Variants in PIGN observed in about 807,000 individuals in gnomAD.
PIGN encodes GPI ethanolamine phosphate transferase 1.
Under a neutral mutation model 125.4 loss-of-function variants are expected in PIGN, and 117 were observed. The observed-to-expected ratio is 0.93, with a 90% CI of 0.80 to 1.09. The LOEUF is 1.09. Ranked by LOEUF, PIGN falls within the 50% of genes least tolerant of loss-of-function variation. The probability of loss-of-function intolerance (pLI) is 0.00; values close to 1 mark genes in which losing one functional copy is unlikely to be tolerated. For missense variants in PIGN, 1,075 were observed against 1,094.9 expected, an observed-to-expected ratio of 0.98 and a Z score of 0.26; for synonymous variants, 392 against 377.8, an observed-to-expected ratio of 1.04 and a Z score of -0.44.
chr18:62,147,202 C>T, intron 8 of PIGN, 101 bp from the exon 9 acceptor site: 1 of 1,331,186 alleles, frequency 7.5e-7, no homozygotes, highest in Non-Finnish European at 1.0e-6. Flanking sequence ...TTCTGAAATG[C>T]TTTTAGATTT....
chr18:62,123,870 A>T (rs2035402342), intron 14 of PIGN, among the ~76,000 whole-genome samples: 1 of 152,060 alleles, frequency 6.6e-6, no homozygotes, highest in African/African-American at 2.4e-5. Flanking sequence ...GAAGAAGAAG[A>T]TCCACTAATT....
chr18:62,148,154 A>C (rs1396367631), intron 8 of PIGN, 60 bp downstream of exon 8: 1 of 1,330,404 alleles, frequency 7.5e-7, no homozygotes, highest in Non-Finnish European at 1.0e-6. Context: ...CTTTATAATA[A>C]AAAGTTCAAT....
chr18:62,107,481 T>C (rs1255979557), intron 17 of PIGN: 2 of 180,014 alleles, frequency 1.1e-5, no homozygotes, highest in Admixed American at 1.1e-4. Flanking sequence ...TAATCCCAGC[T>C]ACTCAGGAGG....
intron 6 of PIGN, among the ~76,000 whole-genome samples, chr18:62,156,383 C>A (rs1454084820): frequency 6.6e-6 from 1 of 152,086 alleles, no homozygotes; most frequent in Non-Finnish European, 1.5e-5. Flanking sequence ...GGCTGGAGTG[C>A]AGTGGCATAA....
At chr18:62,018,536 A>G (rs913041127) in intron 23 of PIGN, among the ~76,000 whole-genome samples, 2 of 152,116 alleles carry the variant, frequency 1.3e-5, no homozygotes, top group Non-Finnish European at 2.9e-5. Context: ...CTTACCACCC[A>G]TTACTTTAGG....
chr18:62,080,229 C>G (rs1465534526), intron 28 of PIGN, among the ~76,000 whole-genome samples: 1 of 152,060 alleles, frequency 6.6e-6, no homozygotes, highest in Non-Finnish European at 1.5e-5. Flanking sequence ...AAAAATCATC[C>G]CTTTCAGATC....
At chr18:62,092,511 T>G (rs1309559638) in intron 23 of PIGN, among the ~76,000 whole-genome samples, 1 of 151,998 alleles carries the variant, frequency 6.6e-6, no homozygotes, top group Non-Finnish European at 1.5e-5. Flanking sequence ...TAATAAAAAG[T>G]TGAAACAAAA....
chr18:62,181,480 A>G (rs1210802757), intron 1 of PIGN, among the ~76,000 whole-genome samples: 1 of 152,108 alleles, frequency 6.6e-6, no homozygotes, highest in Non-Finnish European at 1.5e-5. Flanking sequence ...TTTAGTCTTC[A>G]TTTTCTAAGC....
intron 17 of PIGN, among the ~76,000 whole-genome samples, chr18:62,109,010 G>A (rs921437802): frequency 6.6e-6 from 1 of 152,150 alleles, no homozygotes; most frequent in African/African-American, 2.4e-5. Flanking sequence ...AGCCAACCTT[G>A]GGGATACCCT....
intron 10 of PIGN, among the ~76,000 whole-genome samples, chr18:62,144,792 C>T (rs2036259435): frequency 6.6e-6 from 1 of 152,070 alleles, no homozygotes; most frequent in African/African-American, 2.4e-5. Context: ...CCTCCTTTGC[C>T]AAATATCTTA....
intron 28 of PIGN, 99 bp from the exon 29 acceptor site, chr18:62,074,920 T>C: frequency 8.0e-6 from 6 of 750,226 alleles, no homozygotes; most frequent in Middle Eastern, 2.4e-4. Context: ...CCTAGTATTG[T>C]TGGTATTTTT....
At chr18:62,091,468 T>C (rs2033955670) in intron 23 of PIGN, among the ~76,000 whole-genome samples, 1 of 152,224 alleles carries the variant, frequency 6.6e-6, no homozygotes. Context: ...AATATTCATA[T>C]ACTATAATGC....
At chr18:62,140,032 C>T (rs1654343768) in intron 12 of PIGN, among the ~76,000 whole-genome samples, 1 of 151,860 alleles carries the variant, frequency 6.6e-6, no homozygotes, top group Admixed American at 6.6e-5. Context: ...AACCAGAATA[C>T]AAAGATATAA....
At chr18:62,113,577 G>C (rs1057295903) in intron 15 of PIGN, among the ~76,000 whole-genome samples, 68 of 152,082 alleles carry the variant, frequency 4.5e-4, no homozygotes, top group African/African-American at 1.6e-3. Flanking sequence ...GTATATGTGT[G>C]TTTGTGGAAA....
At chr18:62,047,402 G>A (rs773170108) in intron 30 of PIGN, among the ~76,000 whole-genome samples, 8 of 152,210 alleles carry the variant, frequency 5.3e-5, no homozygotes, top group Non-Finnish European at 1.2e-4. Flanking sequence ...CTTCAATGGG[G>A]TCATGTCAGA....
Position 62,025,841 on chromosome 18 carries a change from A to C in PIGN, c.2143-8100T>G, listed in dbSNP as rs369871479. Among the ~76,000 whole-genome samples the C allele has an allele frequency of 1.9e-4, 29 of 152,326 alleles. 1 individual carries two copies. Among genetic ancestry groups the C allele is most frequent in the African/African-American group, 6.3e-4 (26 of 41,564 alleles). ...TCCAGTCAATTCAACAAGCCTCCAG[A>C]AAGTTTCATATATGCCTCCTGCCAC... On this transcript the variant is annotated intron_variant, in intron 23 of 24. Transcript: ENST00000639600.
intron 7 of PIGN, among the ~76,000 whole-genome samples, chr18:62,152,211 G>A (rs2036562305): frequency 2.0e-5 from 3 of 152,138 alleles, no homozygotes; most frequent in African/African-American, 7.2e-5. Flanking sequence ...TAAGATAAGA[G>A]ATTGTGGAAT....
intron 6 of PIGN, among the ~76,000 whole-genome samples, chr18:62,155,491 C>T (rs1249200861): frequency 6.6e-6 from 1 of 152,272 alleles, no homozygotes; most frequent in African/African-American, 2.4e-5. Context: ...ATCGCTTGAA[C>T]CAAGGAGGCA....
chr18:62,106,412 G>A (rs546010151), intron 19 of PIGN, among the ~76,000 whole-genome samples: 69 of 150,918 alleles, frequency 4.6e-4, no homozygotes, highest in Non-Finnish European at 7.4e-4. Flanking sequence ...TCAGGGTAAC[G>A]AGGGAGGTGT....
Sources: allele counts gnomAD v4.1 joint callset (sites outside exome capture counted in the v4.1 genomes callset), GRCh38; gene constraint gnomAD v4.1.1; transcripts MANE v1.5; gene names NCBI Gene and HGNC (gene_info 2026-07-23, HGNC 2026-07-21).